PDGFC: variants seen among roughly 807,000 people sequenced by gnomAD.
The protein encoded by PDGFC is platelet derived growth factor C, also known as platelet-derived growth factor C.
PDGFC carries 12 observed loss-of-function variants against 35.5 expected under a neutral mutation model. That is an observed-to-expected ratio of 0.34 (90% CI 0.22 to 0.55). The LOEUF (loss-of-function observed/expected upper bound fraction) is 0.55. PDGFC is among the 20% of genes least tolerant of loss of function. The pLI is 0.91. For missense variants in PDGFC, 322 were observed against 412.4 expected, an observed-to-expected ratio of 0.78 and a Z score of 1.90; for synonymous variants, 159 against 148.8, an observed-to-expected ratio of 1.07 and a Z score of -0.50.
At chr4:156,783,116 A>G (rs1731027461) in intron 3 of PDGFC, among the ~76,000 whole-genome samples, 1 of 152,188 alleles carries the variant, frequency 6.6e-6, no homozygotes, top group African/African-American at 2.4e-5. Context: ...GAAGCACTTT[A>G]GATATTTACA....
intron 1 of PDGFC, among the ~76,000 whole-genome samples, chr4:156,885,538 C>A (rs986719329): frequency 1.3e-5 from 2 of 152,150 alleles, no homozygotes; most frequent in Admixed American, 6.6e-5. Flanking sequence ...TAAACTTCAG[C>A]AATAATTTAG....
intron 2 of PDGFC, among the ~76,000 whole-genome samples, chr4:156,812,073 T>A (rs1324237127): frequency 6.6e-6 from 1 of 152,114 alleles, no homozygotes; most frequent in Non-Finnish European, 1.5e-5. Context: ...TTAGTTAAGA[T>A]AAATTTTAAA....
Position 156,858,529 on chromosome 4 carries a change from T to C in PDGFC, c.119-8113A>G, listed in dbSNP as rs192058717. Among the ~76,000 whole-genome samples the C allele has an allele frequency of 4.7e-3, 712 of 152,130 alleles. 4 individuals are homozygous for C. Among genetic ancestry groups the C allele is most frequent in the Middle Eastern group, 0.014 (4 of 294 alleles). On this transcript the variant is annotated intron_variant, in intron 1 of 5. Transcript: ENST00000502773. ...ACTATAAGTTTTTTACTCTGTTAAA[T>C]TGTACATTAAAGAGACCAAAACCAG...
At chr4:156,898,939 GA>G (rs1730699145) in intron 1 of PDGFC, among the ~76,000 whole-genome samples, 1 of 152,218 alleles carries the variant, frequency 6.6e-6, no homozygotes, top group Non-Finnish European at 1.5e-5. Context: ...TTACAGGCAT[GA>G]GTCACTGAGC....
At position 156,926,089 on chromosome 4, in the gene PDGFC, A is replaced by C. The variant is rs550720936; in HGVS notation, c.118+44697T>G. 1.2e-4 allele frequency among the ~76,000 whole-genome samples: 18 copies of C among 147,302 alleles called. No homozygotes were observed. The South Asian group carries it at 2.4e-3, about 19-fold the overall frequency. ...AAAAAAAAAAGACAGAAAGACAGGGATCCACTACACTACACTATTGACTAA... is the reference window on the plus strand; with the variant it reads ...AAAAAAAAAAGACAGAAAGACAGGGCTCCACTACACTACACTATTGACTAA... On this transcript the variant is annotated intron_variant, in intron 1 of 5. Coordinates refer to ENST00000502773, the MANE Select transcript of PDGFC (RefSeq NM_016205.3).
chr4:156,947,661 C>T (rs1038539820), intron 1 of PDGFC, among the ~76,000 whole-genome samples: 7 of 152,000 alleles, frequency 4.6e-5, no homozygotes, highest in African/African-American at 1.7e-4. Context: ...GTCTAAGAAA[C>T]GAGATTGTCA....
Position 156,971,092 on chromosome 4 carries a change from G to C in PDGFC, c.-189C>G. The C allele has an allele frequency of 1.8e-6, 1 of 555,086 alleles. No homozygotes were observed. The allele number at this position is 555,086 out of a possible 1,614,324, so 34.4% of individuals were successfully genotyped here. A position where few individuals can be genotyped will look rare whatever the true frequency, so the allele number is the denominator to read the frequency against. ...ACTTTTTCCTAGAGCCCTCTTCTGT[G>C]TCTCCAGTTTTTGAAAAGGATCAAA... is the stretch of plus-strand genomic sequence containing the variant. On this transcript the variant is annotated 5_prime_UTR_variant, in exon 1 of 6. Coordinates refer to ENST00000502773, the MANE Select transcript of PDGFC (RefSeq NM_016205.3).
chr4:156,798,157 A>T (rs565113237), intron 3 of PDGFC, among the ~76,000 whole-genome samples: 193 of 152,182 alleles, frequency 1.3e-3, no homozygotes, highest in Non-Finnish European at 2.1e-3. Context: ...GCAACACTGC[A>T]CTCCAGCTTG....
chr4:156,957,955 T>C (rs1351304974), intron 1 of PDGFC, among the ~76,000 whole-genome samples: 2 of 152,024 alleles, frequency 1.3e-5, no homozygotes, highest in African/African-American at 4.8e-5. Context: ...ATTCTGCACG[T>C]GCAAATGATG....
intron 1 of PDGFC, among the ~76,000 whole-genome samples, chr4:156,920,358 T>A (rs755730701): frequency 6.6e-6 from 1 of 152,186 alleles, no homozygotes; most frequent in Non-Finnish European, 1.5e-5. Flanking sequence ...TTAACAACTC[T>A]GTGAGGTAGC....
intron 1 of PDGFC, among the ~76,000 whole-genome samples, chr4:156,907,384 A>G (rs144731982): frequency 3.6e-4 from 55 of 152,336 alleles, no homozygotes; most frequent in African/African-American, 1.3e-3. Flanking sequence ...TGCAAACAAA[A>G]GAAAATCCAA....
chr4:156,779,630 T>G (rs2110841213), intron 3 of PDGFC, among the ~76,000 whole-genome samples: 1 of 152,232 alleles, frequency 6.6e-6, no homozygotes, highest in Non-Finnish European at 1.5e-5. Context: ...GAAGAATGGA[T>G]ATATGAAAAA....
At chr4:156,961,572 A>G (rs746468089) in intron 1 of PDGFC, among the ~76,000 whole-genome samples, 3 of 152,188 alleles carry the variant, frequency 2.0e-5, no homozygotes, top group African/African-American at 4.8e-5. Context: ...AAATCCTTAA[A>G]TACCACAAAA....
chr4:156,884,342 T>C (rs1029278972), intron 1 of PDGFC, among the ~76,000 whole-genome samples: 1 of 152,126 alleles, frequency 6.6e-6, no homozygotes, highest in Non-Finnish European at 1.5e-5. Flanking sequence ...TGAAAGACTT[T>C]GTTATGGGTT....
At chr4:156,785,377 C>T (rs1731094217) in intron 3 of PDGFC, among the ~76,000 whole-genome samples, 2 of 152,026 alleles carry the variant, frequency 1.3e-5, no homozygotes, top group Non-Finnish European at 2.9e-5. Context: ...AATTTTTGCA[C>T]TTTGTATTTT....
chr4:156,862,942 C>T (rs1248057027), intron 1 of PDGFC, among the ~76,000 whole-genome samples: 2 of 152,092 alleles, frequency 1.3e-5, no homozygotes, highest in Non-Finnish European at 2.9e-5. Flanking sequence ...ATCCATCCAC[C>T]TCAGCCTCCC....
intron 1 of PDGFC, among the ~76,000 whole-genome samples, chr4:156,866,484 A>C (rs893639215): frequency 6.6e-6 from 1 of 152,020 alleles, no homozygotes; most frequent in Non-Finnish European, 1.5e-5. Context: ...ACTTTAACAT[A>C]TCTCTCACCT....
intron 5 of PDGFC, among the ~76,000 whole-genome samples, chr4:156,767,502 G>A (rs903077296): frequency 3.3e-5 from 5 of 150,884 alleles, no homozygotes; most frequent in African/African-American, 1.2e-4. Flanking sequence ...TTTTCCCTCA[G>A]AAAACACTTT....
At chr4:156,873,431 AT>A (rs1730033229) in intron 1 of PDGFC, among the ~76,000 whole-genome samples, 1 of 152,174 alleles carries the variant, frequency 6.6e-6, no homozygotes, top group African/African-American at 2.4e-5. Flanking sequence ...TGTACCATTA[AT>A]TGTTCTTAAT....
Sources: allele counts gnomAD v4.1 joint callset (sites outside exome capture counted in the v4.1 genomes callset), GRCh38; gene constraint gnomAD v4.1.1; transcripts MANE v1.5; gene names NCBI Gene and HGNC (gene_info 2026-07-23, HGNC 2026-07-21).